The following KAZN variants were observed in gnomAD, a reference collection of about 807,000 sequenced individuals.
KAZN encodes kazrin, periplakin interacting protein.
In KAZN, 40 loss-of-function variants were observed where a neutral mutation model predicts 87.4. The ratio of observed to expected loss-of-function variants is 0.46; its 90% CI spans 0.36 to 0.60. KAZN has a LOEUF of 0.60. Among genes scored for constraint, KAZN ranks in the 20% least tolerant of loss-of-function variants. The pLI is 0.00. For missense variants in KAZN, 898 were observed against 1,073.9 expected, an observed-to-expected ratio of 0.84 and a Z score of 2.29; for synonymous variants, 466 against 458.3, an observed-to-expected ratio of 1.02 and a Z score of -0.22.
chr1:14,370,252 T>G (rs1300800100), intron 2 of KAZN, among the ~76,000 whole-genome samples: 5 of 152,084 alleles, frequency 3.3e-5, no homozygotes, highest in African/African-American at 1.2e-4. Flanking sequence ...GAGGAAGAAG[T>G]GGGGAGGACT....
intron 2 of KAZN, among the ~76,000 whole-genome samples, chr1:14,468,361 C>T (rs780298309): frequency 6.6e-6 from 1 of 152,152 alleles, no homozygotes; most frequent in African/African-American, 2.4e-5. Flanking sequence ...CATCAGGCCC[C>T]TTTATATACC....
At chr1:14,742,804 G>T (rs934046363) in intron 1 of KAZN, among the ~76,000 whole-genome samples, 1 of 152,204 alleles carries the variant, frequency 6.6e-6, no homozygotes, top group African/African-American at 2.4e-5. Flanking sequence ...AGCCATGGTG[G>T]CAGGAGCCAG....
chr1:14,790,059 A>G (rs111347115), intron 1 of KAZN, among the ~76,000 whole-genome samples: 15,415 of 151,606 alleles, frequency 0.1, 1,374 homozygotes, highest in African/African-American at 0.24. Flanking sequence ...CTGGAGTGCA[A>G]TGGCGCAATC....
intron 1 of KAZN, among the ~76,000 whole-genome samples, chr1:14,939,612 G>T (rs1660830868): frequency 6.6e-6 from 1 of 152,198 alleles, no homozygotes; most frequent in Non-Finnish European, 1.5e-5. Context: ...TTGGCAGTGG[G>T]AGGTGCCTCT....
At chr1:14,170,091 A>G (rs1364154311) in intron 1 of KAZN, among the ~76,000 whole-genome samples, 4 of 151,668 alleles carry the variant, frequency 2.6e-5, no homozygotes, top group African/African-American at 9.7e-5. Context: ...TCTGAACCAC[A>G]TGCCTGCCTC....
intron 2 of KAZN, among the ~76,000 whole-genome samples, chr1:14,402,655 G>C (rs185945263): frequency 6.6e-6 from 1 of 152,222 alleles, no homozygotes; most frequent in African/African-American, 2.4e-5. Flanking sequence ...TCACACAGAA[G>C]AGTAAACATC....
At chr1:14,825,809 A>T (rs115899180) in intron 1 of KAZN, among the ~76,000 whole-genome samples, 1 of 152,198 alleles carries the variant, frequency 6.6e-6, no homozygotes, top group African/African-American at 2.4e-5. Flanking sequence ...CTTTCTGTCC[A>T]TGTGTCCACT....
chr1:14,727,519 G>T (rs571636870), intron 1 of KAZN, among the ~76,000 whole-genome samples: 17 of 103,214 alleles, frequency 1.6e-4, no homozygotes, highest in Non-Finnish European at 2.4e-4. Context: ...TGCTCTTGTT[G>T]TCCAGGCTGC....
intron 2 of KAZN, among the ~76,000 whole-genome samples, chr1:14,580,845 A>G (rs921131736): frequency 4.6e-5 from 7 of 152,180 alleles, no homozygotes; most frequent in Admixed American, 1.3e-4. Flanking sequence ...AATGTCATCA[A>G]TCATCAATGT....
At chr1:15,025,336 G>A (rs1671061100) in intron 2 of KAZN, among the ~76,000 whole-genome samples, 1 of 152,180 alleles carries the variant, frequency 6.6e-6, no homozygotes, top group South Asian at 2.1e-4. Context: ...TACCAGTTGA[G>A]AAAATTGGTT....
At chr1:14,704,812 C>T (rs1258233631) in intron 1 of KAZN, among the ~76,000 whole-genome samples, 2 of 152,216 alleles carry the variant, frequency 1.3e-5, no homozygotes, top group Non-Finnish European at 2.9e-5. Flanking sequence ...AGAGTGAGGT[C>T]AAGTTACCCA....
At chr1:14,799,748 G>A (rs977050627) in intron 1 of KAZN, among the ~76,000 whole-genome samples, 1 of 152,030 alleles carries the variant, frequency 6.6e-6, no homozygotes, top group East Asian at 1.9e-4. Flanking sequence ...AACCCCTTAA[G>A]AACTTTTTTT....
chr1:14,421,644 A>C (rs929413305), intron 2 of KAZN, among the ~76,000 whole-genome samples: 2 of 152,118 alleles, frequency 1.3e-5, no homozygotes, highest in African/African-American at 4.8e-5. Context: ...TCTATCCACA[A>C]GTTTGGAAAA....
chr1:14,821,008 A>G (rs971367888), intron 1 of KAZN, among the ~76,000 whole-genome samples: 2 of 152,168 alleles, frequency 1.3e-5, no homozygotes, highest in African/African-American at 4.8e-5. Context: ...CGTGTGAGGA[A>G]TTGAAAAGGA....
intron 2 of KAZN, among the ~76,000 whole-genome samples, chr1:14,249,418 G>A (rs1649806587): frequency 6.6e-6 from 1 of 152,176 alleles, no homozygotes; most frequent in South Asian, 2.1e-4. Context: ...ACCCAAACTG[G>A]TTGAAATTGC....
At chr1:14,437,855 A>AATG (rs1247839713) in intron 2 of KAZN, among the ~76,000 whole-genome samples, 15 of 152,170 alleles carry the variant, frequency 9.9e-5, no homozygotes, top group Middle Eastern at 3.2e-3. Flanking sequence ...AAGTGACAGC[A>AATG]ACAAAGAAAA....
chr1:14,797,737 G>C (rs1434126116), intron 1 of KAZN, among the ~76,000 whole-genome samples: 1 of 152,044 alleles, frequency 6.6e-6, no homozygotes, highest in African/African-American at 2.4e-5. Flanking sequence ...GACTAGTTAC[G>C]GGGCCCCAGG....
chr1:14,529,029 C>T (rs1478752569), intron 2 of KAZN, among the ~76,000 whole-genome samples: 1 of 151,692 alleles, frequency 6.6e-6, no homozygotes, highest in Non-Finnish European at 1.5e-5. Flanking sequence ...TTCGGCCCGG[C>T]GCGGTGGCTC....
At chr1:13,942,318 A>G (rs887081722) in intron 1 of KAZN, among the ~76,000 whole-genome samples, 1 of 151,528 alleles carries the variant, frequency 6.6e-6, no homozygotes, top group African/African-American at 2.4e-5. Context: ...AGGCGGGTGG[A>G]TCATGAGGTC....
Sources: gnomAD v4.1 joint callset for allele counts (sites outside exome capture counted in the v4.1 genomes callset) on GRCh38, gnomAD v4.1.1 for gene constraint, MANE v1.5 for transcripts, NCBI Gene and HGNC (gene_info 2026-07-23, HGNC 2026-07-21) for gene names.